SSX2IP: variants seen among roughly 807,000 people sequenced by gnomAD.
The protein encoded by SSX2IP is afadin- and alpha-actinin-binding protein.
In SSX2IP, 55 loss-of-function variants were observed where a neutral mutation model predicts 84.9. The observed-to-expected ratio is 0.65, with a 90% confidence interval of 0.52 to 0.81. The LOEUF (loss-of-function observed/expected upper bound fraction) is 0.81, where lower values mean the gene tolerates loss of function less well. Among genes scored for constraint, SSX2IP ranks in the 30% least tolerant of loss-of-function variants. The probability of loss-of-function intolerance (pLI) is 0.00; values close to 1 mark genes in which losing one functional copy is unlikely to be tolerated. For synonymous variants in SSX2IP, 239 were observed against 234.7 expected (o/e 1.02, Z -0.17); for missense variants, 664 against 705.2 (o/e 0.94, Z 0.66).
Position 84,655,999 on chromosome 1 carries a change from G to A in SSX2IP, c.1222C>T (p.Leu408Phe), listed in dbSNP as rs1474490748. The A allele has an allele frequency of 6.2e-7, 1 of 1,608,930 alleles. No individual in the cohort carries two copies. The change falls in exon 11 of 14, where the codon CTC becomes TTC. Residue 408 changes from leucine to phenylalanine, a missense_variant. Coordinates refer to ENST00000342203, the MANE Select transcript of SSX2IP (RefSeq NM_001166293.2). The stretch of plus-strand genomic sequence containing the variant: ...GTATCATCATCATATGCAGTAGCGA[G>A]CTGCTGCTATTAAAATTTAAAACAT... ...KTQQQLLQQQLATAYDDDTTS... is the reference protein window; with the variant it reads ...KTQQQLLQQQFATAYDDDTTS...
chr1:84,662,628 G>T, intron 6 of SSX2IP, 98 bp from the exon 7 acceptor site: 1 of 1,260,164 alleles, frequency 7.9e-7, no homozygotes, highest in Non-Finnish European at 1.1e-6. Context: ...AAGTGAACCT[G>T]GTATATAGGT....
At chr1:84,655,460 C>T (rs2102237365) in intron 11 of SSX2IP, 1 of 1,295,586 alleles carries the variant, frequency 7.7e-7, no homozygotes, top group Admixed American at 2.3e-5. Flanking sequence ...TTTTATTATA[C>T]TTCCTTTTTA....
At chr1:84,682,792 C>G (rs576518101) in intron 1 of SSX2IP, among the ~76,000 whole-genome samples, 3 of 152,130 alleles carry the variant, frequency 2.0e-5, no homozygotes, top group African/African-American at 4.8e-5. Flanking sequence ...TGAGCCATCA[C>G]GCACTGCCTT....
chr1:84,668,932 T>G (rs370422210), intron 4 of SSX2IP, among the ~76,000 whole-genome samples: 57 of 152,286 alleles, frequency 3.7e-4, no homozygotes, highest in African/African-American at 1.3e-3. Flanking sequence ...TATAGAATTG[T>G]ATATTTAGGA....
chr1:84,653,010 C>T (rs1650536971), intron 11 of SSX2IP, among the ~76,000 whole-genome samples: 1 of 151,528 alleles, frequency 6.6e-6, no homozygotes, highest in African/African-American at 2.4e-5. Context: ...CTAGCCTGGG[C>T]AACAGAGTGA....
chr1:84,687,076 G>A (rs943848993), intron 1 of SSX2IP, among the ~76,000 whole-genome samples: 1 of 152,144 alleles, frequency 6.6e-6, no homozygotes, highest in Non-Finnish European at 1.5e-5. Context: ...GTAAGTATGA[G>A]CTATTTTTCC....
chr1:84,650,335 G>A (rs769398538), intron 13 of SSX2IP, 27 bp downstream of exon 13: 18 of 1,613,344 alleles, frequency 1.1e-5, no homozygotes, highest in Admixed American at 3.3e-5. Flanking sequence ...TTAGAAACAC[G>A]TGAAAAGATC....
At chr1:84,655,402 T>C in intron 11 of SSX2IP, 1 of 1,274,614 alleles carries the variant, frequency 7.8e-7, no homozygotes, top group Non-Finnish European at 1.0e-6. Flanking sequence ...AAGCAAGCTG[T>C]AGAGCGTATA....
At chr1:84,667,851 C>A (rs1305749679) in intron 4 of SSX2IP, among the ~76,000 whole-genome samples, 1 of 152,152 alleles carries the variant, frequency 6.6e-6, no homozygotes, top group Non-Finnish European at 1.5e-5. Context: ...CCTTCCCTTG[C>A]GTCCTACCCC....
At position 84,664,424 on chromosome 1, in the gene SSX2IP, C is replaced by A; in HGVS notation, c.666G>T (p.Lys222Asn). 1 of 1,578,180 alleles carries A rather than the reference C, an allele frequency of 6.3e-7. No homozygotes were observed. The highest frequency in any genetic ancestry group is 1.2e-5 in the South Asian group (1 of 84,312). Residue 222 changes from lysine (K) to asparagine (N), a missense_variant, in exon 6 of 14, where the codon AAG (lysine) becomes AAT (asparagine). By Grantham distance (94) the Lys-to-Asn change is moderately conservative (BLOSUM62 0). Coordinates refer to ENST00000342203, the MANE Select transcript of SSX2IP (RefSeq NM_001166293.2). Reference protein sequence around the residue: ...LHQLVMNKKDKKIAMDILNYV... With the variant: ...LHQLVMNKKDNKIAMDILNYV... ...TCTTTGCCAGCTGTTTACCTATTTT[C>A]TTATCTTTCTTGTTCATAACAAGTT...
chr1:84,655,749 G>GA lies in SSX2IP; in HGVS notation c.1389+82dup. On this transcript the variant is annotated intron_variant, in intron 11 of 13. Coordinates refer to ENST00000342203, the MANE Select transcript of SSX2IP (RefSeq NM_001166293.2). ...ATTTTAGAAAATAAGTAAATAGCAA[G>GA]AAAAAAAGGAGACCTTAGAAGCATT... The GA allele has an allele frequency of 3.4e-6, 5 of 1,488,700 alleles. No homozygotes were observed. The South Asian group carries it at 4.1e-5, about 12-fold the overall frequency. The allele number at this position is 1,488,700 out of a possible 1,614,324, so 92.2% of individuals were successfully genotyped here.
At position 84,650,332 on chromosome 1, in the gene SSX2IP, C is replaced by A. The variant is rs776354010; in HGVS notation, c.1670+30G>T. 5.0e-6 allele frequency: 8 copies of A among 1,613,288 alleles called. 1 individual carries two copies. In the East Asian group the frequency reaches 1.8e-4, roughly 36 times the overall value. On this transcript the variant is annotated intron_variant, in intron 13 of 13. Transcript: ENST00000342203. ...GTGCAACTTTAGCAATTTTTAGAAA[C>A]ACGTGAAAAGATCACCTATAGACAA...
chr1:84,664,347 C>A, intron 6 of SSX2IP, 70 bp downstream of exon 6: 10 of 1,356,990 alleles, frequency 7.4e-6, no homozygotes, highest in Non-Finnish European at 9.6e-6. Context: ...GTGTTCAATC[C>A]TTTTACAATT....
chr1:84,659,541 T>C (rs1651613079), intron 8 of SSX2IP, among the ~76,000 whole-genome samples: 1 of 152,102 alleles, frequency 6.6e-6, no homozygotes. Context: ...CATGCCTGTA[T>C]GTAATCCCAG....
rs1235205191 is a variant in SSX2IP, at chr1:84,666,117, C to CAG, written c.537+4_537+5insCT. The CAG allele has an allele frequency of 6.2e-7, 1 of 1,602,950 alleles. No individual in the cohort carries two copies. Among genetic ancestry groups the CAG allele is most frequent in the Admixed American group, 1.7e-5 (1 of 58,950 alleles). ...AAACTTCATCTGCAATAACTGACAA[C>CAG]TCACCTCATCTTTCTCATTCTTTAG... On this transcript the variant is annotated splice_donor_region_variant and intron_variant, in intron 5 of 13. Transcript: ENST00000342203.
At chr1:84,689,626 T>C (rs949726393) in intron 1 of SSX2IP, among the ~76,000 whole-genome samples, 3 of 152,208 alleles carry the variant, frequency 2.0e-5, no homozygotes, top group Admixed American at 6.5e-5. Context: ...TCCTACATTA[T>C]ACGTGCAGAC....
chr1:84,654,786 A>C (rs1289447485), intron 11 of SSX2IP, among the ~76,000 whole-genome samples: 1 of 152,160 alleles, frequency 6.6e-6, no homozygotes, highest in African/African-American at 2.4e-5. Context: ...TCCAACTTTT[A>C]AGTCTCAAGT....
At chr1:84,656,551 T>C (rs771240941) in intron 9 of SSX2IP, 67 bp from the exon 10 acceptor site, 2 of 1,393,798 alleles carry the variant, frequency 1.4e-6, no homozygotes, top group Non-Finnish European at 1.9e-6. Flanking sequence ...GTTTTGCACA[T>C]ATCTTTAAAA....
At position 84,656,007 on chromosome 1, in the gene SSX2IP, T is replaced by C. The variant is rs762918165; in HGVS notation, c.1216-2A>G. On this transcript the variant is annotated splice_acceptor_variant, in intron 10 of 13. Transcript: ENST00000342203. LOFTEE classifies it high-confidence loss of function. ...ATCATATGCAGTAGCGAGCTGCTGC[T>C]ATTAAAATTTAAAACATAGTAAGTT... 3.0e-5 allele frequency: 48 copies of C among 1,606,590 alleles called. No individual in the cohort carries two copies. Among genetic ancestry groups the C allele is most frequent in the Non-Finnish European group, 4.0e-5 (47 of 1,177,436 alleles).
Sources: gnomAD v4.1 joint callset for allele counts (sites outside exome capture counted in the v4.1 genomes callset) on GRCh38, gnomAD v4.1.1 for gene constraint, MANE v1.5 for transcripts, NCBI Gene and HGNC (gene_info 2026-07-23, HGNC 2026-07-21) for gene names.